The following ADGB variants were observed in gnomAD, a reference collection of about 807,000 sequenced individuals.
The protein encoded by ADGB is calpain-7-like protein.
Under a neutral mutation model 210.5 loss-of-function variants are expected in ADGB, and 172 were observed. That is an observed-to-expected ratio of 0.82 (90% CI 0.72 to 0.93). The LOEUF is 0.93. ADGB is among the 40% of genes least tolerant of loss of function. ADGB has a pLI of 0.00. For missense variants in ADGB, 2,025 were observed against 1,964.8 expected (o/e 1.03, Z -0.58); for synonymous variants, 658 against 662.7 (o/e 0.99, Z 0.11).
chr6:146,724,481 T>A, intron 18 of ADGB, 154 bp downstream of exon 18: 1 of 710,718 alleles, frequency 1.4e-6, no homozygotes. Flanking sequence ...TTGAGAAAAA[T>A]ATTTCCAAAA....
At position 146,801,278 on chromosome 6, in the gene ADGB, C is replaced by T. The variant is rs1183566565; in HGVS notation, c.4633C>T (p.Arg1545Trp). 6 of 1,468,514 alleles carry T rather than the reference C, an allele frequency of 4.1e-6. No individual in the cohort carries two copies. The highest frequency in any genetic ancestry group is 1.7e-4 in the Middle Eastern group (1 of 5,732). The allele number at this position is 1,468,514 out of a possible 1,614,324, so 91.0% of individuals were successfully genotyped here. A position where few individuals can be genotyped will look rare whatever the true frequency, so the allele number is the denominator to read the frequency against. ...LEFMDLSQYV[R>W]KTDTDPLLQT... ...ATTTATGGATTTAAGTCAATATGTT[C>T]GGTAAGTTTTCATAAACATGATTGA... The change falls in exon 34 of 36, where the codon CGG becomes TGG. Residue 1545 changes from arginine to tryptophan, a missense_variant and splice_region_variant. Transcript: ENST00000397944.
At chr6:146,783,178 A>G (rs1297105832) in intron 30 of ADGB, among the ~76,000 whole-genome samples, 1 of 152,178 alleles carries the variant, frequency 6.6e-6, no homozygotes, top group Non-Finnish European at 1.5e-5. Context: ...GGGTGCAGTT[A>G]TTAATCCAAA....
chr6:146,808,577 A>G (rs1778248559), intron 35 of ADGB, among the ~76,000 whole-genome samples: 1 of 152,242 alleles, frequency 6.6e-6, no homozygotes, highest in Non-Finnish European at 1.5e-5. Flanking sequence ...TTTCTCCAAA[A>G]GCACACTTCT....
At chr6:146,779,057 C>T (rs1777760134) in intron 29 of ADGB, among the ~76,000 whole-genome samples, 1 of 129,774 alleles carries the variant, frequency 7.7e-6, no homozygotes, top group African/African-American at 3.0e-5. Flanking sequence ...TCAGCAGTAG[C>T]TTTGGAAAAA....
intron 26 of ADGB, among the ~76,000 whole-genome samples, chr6:146,749,956 C>A (rs146488270): frequency 6.6e-6 from 1 of 152,112 alleles, no homozygotes; most frequent in Non-Finnish European, 1.5e-5. Context: ...TACCAGGCTG[C>A]TCCTCCAACC....
chr6:146,658,628 A>C (rs1226273830), intron 5 of ADGB, among the ~76,000 whole-genome samples: 3 of 152,152 alleles, frequency 2.0e-5, no homozygotes, highest in African/African-American at 4.8e-5. Context: ...AGGAGTTAAC[A>C]TTCATTAACA....
intron 29 of ADGB, among the ~76,000 whole-genome samples, chr6:146,778,775 T>C (rs188551744): frequency 2.6e-5 from 4 of 152,168 alleles, no homozygotes; most frequent in Admixed American, 2.6e-4. Context: ...GGACCCTATC[T>C]CAGAAAAACA....
chr6:146,755,621 T>C (rs1193139353), intron 27 of ADGB, among the ~76,000 whole-genome samples: 1 of 152,086 alleles, frequency 6.6e-6, no homozygotes, highest in Non-Finnish European at 1.5e-5. Context: ...CTTTCCTTTA[T>C]AAATTATCTA....
chr6:146,621,518 G>T (rs1279945519), intron 1 of ADGB, among the ~76,000 whole-genome samples: 1 of 152,138 alleles, frequency 6.6e-6, no homozygotes. Flanking sequence ...CAGGTCTAGA[G>T]AAATCCTCTT....
intron 5 of ADGB, among the ~76,000 whole-genome samples, chr6:146,661,704 C>T (rs889558835): frequency 6.6e-6 from 1 of 151,922 alleles, no homozygotes; most frequent in African/African-American, 2.4e-5. Flanking sequence ...TATGCTTTCT[C>T]ATTCTTGATG....
At chr6:146,740,799 T>G (rs1777154219) in intron 24 of ADGB, among the ~76,000 whole-genome samples, 1 of 133,926 alleles carries the variant, frequency 7.5e-6, no homozygotes, top group African/African-American at 2.9e-5. Flanking sequence ...GTTTAGTAAT[T>G]ATTAGAAGCT....
intron 27 of ADGB, among the ~76,000 whole-genome samples, chr6:146,756,533 C>G (rs1291981435): frequency 6.6e-6 from 1 of 151,934 alleles, no homozygotes; most frequent in Non-Finnish European, 1.5e-5. Context: ...CATATACATA[C>G]CTCTGATTAG....
rs1205899552 is a variant in ADGB, at chr6:146,654,196, T to C, written c.392T>C (p.Leu131Pro). 6.5e-7 allele frequency: 1 copy of C among 1,544,854 alleles called. No individual in the cohort carries two copies. ...TTATTTTCAGCAAATGAACATTTAC[T>C]CTGCAGCGAGGTATGTACAGAAATA... ...FDLFSANEHLLCSELMRWIIS... is the reference protein window; with the variant it reads ...FDLFSANEHLPCSELMRWIIS... The change falls in exon 4 of 36, where the codon CTC (leucine) becomes CCC (proline). Residue 131 changes from leucine (L) to proline (P), a missense_variant. By Grantham distance (98) the Leu-to-Pro change is moderately conservative. Coordinates refer to ENST00000397944, the MANE Select transcript of ADGB (RefSeq NM_024694.4).
intron 1 of ADGB, among the ~76,000 whole-genome samples, chr6:146,604,959 C>A (rs559477675): frequency 1.8e-4 from 28 of 152,120 alleles, no homozygotes; most frequent in African/African-American, 6.5e-4. Flanking sequence ...TGTCTAATAG[C>A]CACTCTTCAA....
intron 2 of ADGB, among the ~76,000 whole-genome samples, chr6:146,642,260 A>G (rs192304595): frequency 5.6e-4 from 85 of 152,206 alleles, no homozygotes; most frequent in African/African-American, 2.0e-3. Flanking sequence ...TTGCAGAGAA[A>G]AAGGAATGCT....
At chr6:146,666,315 A>T (rs1775936454) in intron 6 of ADGB, among the ~76,000 whole-genome samples, 1 of 151,992 alleles carries the variant, frequency 6.6e-6, no homozygotes, top group Non-Finnish European at 1.5e-5. Context: ...TGACAGATCC[A>T]CTCTTCTGTA....
intron 23 of ADGB, among the ~76,000 whole-genome samples, chr6:146,739,546 C>T (rs1398680201): frequency 6.6e-6 from 1 of 152,136 alleles, no homozygotes; most frequent in Non-Finnish European, 1.5e-5. Context: ...TACCAAAAGC[C>T]TATGATCAAC....
At chr6:146,759,244 A>G (rs914640727) in intron 27 of ADGB, among the ~76,000 whole-genome samples, 7 of 151,796 alleles carry the variant, frequency 4.6e-5, no homozygotes, top group Non-Finnish European at 1.0e-4. Context: ...CAGAAGTTCA[A>G]AATGAGCCAG....
chr6:146,617,603 C>T (rs1426766544), intron 1 of ADGB, among the ~76,000 whole-genome samples: 1 of 150,590 alleles, frequency 6.6e-6, no homozygotes, highest in African/African-American at 2.4e-5. Context: ...TCATTGTTTT[C>T]AGGTATATTC....
Sources: allele counts gnomAD v4.1 joint callset (sites outside exome capture counted in the v4.1 genomes callset), GRCh38; gene constraint gnomAD v4.1.1; transcripts MANE v1.5; gene names NCBI Gene and HGNC (gene_info 2026-07-23, HGNC 2026-07-21).